Variants in CDH12 observed in about 807,000 individuals in gnomAD.
CDH12 encodes the protein cadherin-12.
In CDH12, 41 loss-of-function variants were observed where a neutral mutation model predicts 74.1. That is an observed-to-expected ratio of 0.55 (90% CI 0.43 to 0.72). The LOEUF (loss-of-function observed/expected upper bound fraction) is 0.72, where lower values mean the gene tolerates loss of function less well. CDH12 is among the 30% of genes least tolerant of loss of function. CDH12 has a pLI of 0.00. For synonymous variants in CDH12, 399 were observed against 355.0 expected, an observed-to-expected ratio of 1.12 and a Z score of -1.39; for missense variants, 945 against 977.2, an observed-to-expected ratio of 0.97 and a Z score of 0.44.
intron 6 of CDH12, among the ~76,000 whole-genome samples, chr5:21,940,045 A>G (rs943436924): frequency 3.3e-4 from 50 of 151,768 alleles, no homozygotes; most frequent in Non-Finnish European, 1.2e-4. Flanking sequence ...ACATGGTGAA[A>G]CTCCATCTCT....
At chr5:22,124,719 T>C (rs1745743130) in intron 4 of CDH12, among the ~76,000 whole-genome samples, 1 of 152,250 alleles carries the variant, frequency 6.6e-6, no homozygotes, top group Non-Finnish European at 1.5e-5. Flanking sequence ...AATTTATCTT[T>C]CCCTGGATCT....
chr5:22,697,899 A>T (rs1284778363), intron 1 of CDH12, among the ~76,000 whole-genome samples: 1 of 152,094 alleles, frequency 6.6e-6, no homozygotes, highest in African/African-American at 2.4e-5. Context: ...CACATGGAGT[A>T]GGTGGCTGTC....
chr5:22,285,295 C>G (rs918214359), intron 3 of CDH12, among the ~76,000 whole-genome samples: 3 of 152,120 alleles, frequency 2.0e-5, no homozygotes, highest in African/African-American at 7.2e-5. Flanking sequence ...TAACAACTTT[C>G]TCCAAGACAT....
At chr5:22,409,177 TC>T (rs1263073783) in intron 2 of CDH12, among the ~76,000 whole-genome samples, 1 of 152,040 alleles carries the variant, frequency 6.6e-6, no homozygotes, top group Non-Finnish European at 1.5e-5. Flanking sequence ...CTTAGCACTC[TC>T]GTCTTGATAT....
intron 1 of CDH12, among the ~76,000 whole-genome samples, chr5:22,717,869 C>T (rs114191471): frequency 2.0e-5 from 3 of 152,176 alleles, no homozygotes; most frequent in South Asian, 2.1e-4. Flanking sequence ...TTCAGACAGA[C>T]CTTGTGTCCT....
intron 5 of CDH12, among the ~76,000 whole-genome samples, chr5:22,068,289 T>C (rs1330853827): frequency 2.0e-5 from 3 of 152,308 alleles, no homozygotes; most frequent in African/African-American, 7.2e-5. Flanking sequence ...TCCAAGCCTG[T>C]ACCTATGGCC....
At chr5:22,329,230 T>C (rs371043002) in intron 3 of CDH12, among the ~76,000 whole-genome samples, 5 of 152,102 alleles carry the variant, frequency 3.3e-5, no homozygotes, top group East Asian at 3.9e-4. Context: ...AAACAAAACA[T>C]TTTACCTGAG....
intron 7 of CDH12, among the ~76,000 whole-genome samples, chr5:21,848,813 G>A (rs1750316063): frequency 6.6e-6 from 1 of 151,636 alleles, no homozygotes; most frequent in African/African-American, 2.4e-5. Flanking sequence ...TCAGTCTAGT[G>A]TCCCATAGTA....
intron 4 of CDH12, among the ~76,000 whole-genome samples, chr5:22,191,561 TTTTTA>T (rs1490577335): frequency 0.062 from 178 of 2,848 alleles, 28 homozygotes; most frequent in South Asian, 0.48. Flanking sequence ...GGTCTTTTTA[TTTTTA>T]TTTTTTTTTT....
intron 5 of CDH12, among the ~76,000 whole-genome samples, chr5:22,007,428 T>A (rs1737031801): frequency 6.7e-6 from 1 of 150,318 alleles, no homozygotes; most frequent in South Asian, 2.1e-4. Context: ...AAACATACTG[T>A]TGTACACCAT....
intron 4 of CDH12, among the ~76,000 whole-genome samples, chr5:22,096,852 T>C (rs1743811994): frequency 6.6e-6 from 1 of 152,158 alleles, no homozygotes; most frequent in Non-Finnish European, 1.5e-5. Flanking sequence ...CATTTTATTT[T>C]ATTACCCAAT....
chr5:21,756,800 G>A (rs1028805839), intron 13 of CDH12, among the ~76,000 whole-genome samples: 1 of 152,074 alleles, frequency 6.6e-6, no homozygotes, highest in East Asian at 1.9e-4. Flanking sequence ...AGTTGTGCAG[G>A]TCTGTCACAA....
chr5:21,785,592 G>T (rs75141758), intron 10 of CDH12, among the ~76,000 whole-genome samples: 10 of 152,152 alleles, frequency 6.6e-5, no homozygotes, highest in Non-Finnish European at 1.3e-4. Context: ...AAACTTTAGC[G>T]GTCTGGATAG....
At chr5:21,966,084 C>T (rs1485958334) in intron 6 of CDH12, among the ~76,000 whole-genome samples, 3 of 151,116 alleles carry the variant, frequency 2.0e-5, no homozygotes, top group Admixed American at 6.6e-5. Context: ...CACGCTGATA[C>T]ATATGTATTA....
At chr5:22,254,454 C>G (rs1753238820) in intron 3 of CDH12, among the ~76,000 whole-genome samples, 1 of 151,744 alleles carries the variant, frequency 6.6e-6, no homozygotes, top group African/African-American at 2.4e-5. Context: ...AAAACATCAA[C>G]AATTCCACTA....
intron 6 of CDH12, among the ~76,000 whole-genome samples, chr5:21,934,019 G>T (rs1263701077): frequency 6.6e-6 from 1 of 152,302 alleles, no homozygotes; most frequent in Non-Finnish European, 1.5e-5. Context: ...ACAGCAAATT[G>T]TGTCATTGGG....
intron 8 of CDH12, among the ~76,000 whole-genome samples, chr5:21,832,764 GATATATATTATATTAATATAT>G (rs1358264526): frequency 8.0e-5 from 10 of 125,614 alleles, no homozygotes; most frequent in African/African-American, 3.1e-4. Context: ...TCATATATAT[GATATATATTATATTAATATAT>G]ATCATATAAT....
chr5:22,708,229 G>A (rs559562918), intron 1 of CDH12, among the ~76,000 whole-genome samples: 3 of 152,130 alleles, frequency 2.0e-5, no homozygotes, highest in Non-Finnish European at 4.4e-5. Flanking sequence ...AGTTCACTCT[G>A]TATTAAGCAC....
intron 1 of CDH12, among the ~76,000 whole-genome samples, chr5:22,598,399 GT>G: frequency 6.6e-6 from 1 of 152,220 alleles, no homozygotes; most frequent in African/African-American, 2.4e-5. Context: ...AGATCTGATG[GT>G]TTTATAAGGA....
Sources: gnomAD v4.1 joint callset for allele counts (sites outside exome capture counted in the v4.1 genomes callset) on GRCh38, gnomAD v4.1.1 for gene constraint, MANE v1.5 for transcripts, NCBI Gene and HGNC (gene_info 2026-07-23, HGNC 2026-07-21) for gene names.